Variants in RASL10B observed in about 807,000 individuals in gnomAD.
RASL10B encodes RAS like family 10 member B.
In RASL10B, 10 loss-of-function variants were observed where a neutral mutation model predicts 20.7. That is an observed-to-expected ratio of 0.48 (90% confidence interval 0.30 to 0.82). The LOEUF (loss-of-function observed/expected upper bound fraction) is 0.82. Ranked by LOEUF, RASL10B falls within the 40% of genes least tolerant of loss-of-function variation. The pLI is 0.07. For missense variants in RASL10B, 231 were observed against 295.4 expected (o/e 0.78, Z 1.60); for synonymous variants, 110 against 123.3 (o/e 0.89, Z 0.72).
At chr17:35,736,420 ACT>A (rs2085592186) in intron 2 of RASL10B, among the ~76,000 whole-genome samples, 1 of 152,022 alleles carries the variant, frequency 6.6e-6, no homozygotes, top group Non-Finnish European at 1.5e-5. Context: ...AGCACTCAGC[ACT>A]CTCGGCAACA....
intron 2 of RASL10B, 89 bp from the exon 3 acceptor site, chr17:35,740,319 GA>G: frequency 6.6e-7 from 1 of 1,507,514 alleles, no homozygotes; most frequent in Non-Finnish European, 9.0e-7. Context: ...AGTGGCAGGT[GA>G]GAGCACTGCC....
At position 35,735,487 on chromosome 17, in the gene RASL10B, T is replaced by G; in HGVS notation, c.216+87T>G. On this transcript the variant is annotated intron_variant, in intron 2 of 3. Coordinates refer to ENST00000603017, the MANE Select transcript of RASL10B (RefSeq NM_033315.4). This position sits in a 1 kb window ranked among gnomAD's most constrained non-coding sequence, Gnocchi z 6.7. ...TTCCAAACTGCTGTAGCTTGGGCCC[T>G]ATTGCCAGGGCCCCATCACTGAGTT... 167 of 1,270,896 alleles carry G rather than the reference T, an allele frequency of 1.3e-4. No homozygotes were observed. Among genetic ancestry groups the G allele is most frequent in the Non-Finnish European group, 1.6e-4 (147 of 896,620 alleles). The allele number at this position is 1,270,896 out of a possible 1,614,324, so 78.7% of individuals were successfully genotyped here.
rs587692217 is a variant in RASL10B at position 35,738,705 on chromosome 17, G to A, written c.217-1704G>A. Among the ~76,000 whole-genome samples, 10 of 152,284 alleles carry A rather than the reference G, an allele frequency of 6.6e-5. No individual in the cohort carries two copies. The South Asian group carries it at 2.1e-3, about 32-fold the overall frequency. On this transcript the variant is annotated intron_variant, in intron 2 of 3. Coordinates refer to ENST00000603017, the MANE Select transcript of RASL10B (RefSeq NM_033315.4). ...CCTTCAATCAAGGGGGAAGGGATAA[G>A]CTAGCCAATCAGGGGCCTTCCTCCT...
chr17:35,740,582 G>T, intron 3 of RASL10B, 49 bp downstream of exon 3: 2 of 1,596,388 alleles, frequency 1.3e-6, no homozygotes, highest in South Asian at 2.2e-5. Flanking sequence ...ATGCCCCAGT[G>T]CTAGCCAGTC....
chr17:35,734,975 G>A, intron 1 of RASL10B, 63 bp from the exon 2 acceptor site: 1 of 592,840 alleles, frequency 1.7e-6, no homozygotes, highest in Non-Finnish European at 3.0e-6. Context: ...TCCCAAAGGT[G>A]GAAAAGTGCA....
chr17:35,740,390 C>A lies in RASL10B; in HGVS notation c.217-19C>A. On this transcript the variant is annotated intron_variant, in intron 2 of 3. Transcript: ENST00000603017. ...CCTCATGGCTGCTCTGACCCTGGTA[C>A]TGGCTGGGGATATTGCAGGAGTGGG... is the stretch of plus-strand genomic sequence containing the variant. 6.2e-7 allele frequency: 1 copy of A among 1,611,196 alleles called. No homozygotes were observed. The highest frequency in any genetic ancestry group is 1.3e-5 in the African/African-American group (1 of 75,004).
At chr17:35,739,601 C>T (rs2085615872) in intron 2 of RASL10B, among the ~76,000 whole-genome samples, 1 of 152,222 alleles carries the variant, frequency 6.6e-6, no homozygotes, top group Non-Finnish European at 1.5e-5. Flanking sequence ...TACTCTACAT[C>T]AGCCCATTAT....
intron 1 of RASL10B, among the ~76,000 whole-genome samples, chr17:35,732,780 C>T (rs2085566182): frequency 6.6e-6 from 1 of 152,140 alleles, no homozygotes; most frequent in African/African-American, 2.4e-5. Context: ...GGCCAGGACT[C>T]TTCTTGGCGT....
rs11306545 is a variant in RASL10B, at chr17:35,742,098, CTTTTTTTTTTT to C, written c.*795_*805del. 1 of 146,744 alleles carries C rather than the reference CTTTTTTTTTTT, an allele frequency of 6.8e-6. No homozygotes were observed. The highest frequency in any genetic ancestry group is 2.5e-5 in the African/African-American group (1 of 39,922). The allele number at this position is 146,744 out of a possible 1,614,324, so 9.1% of individuals were successfully genotyped here. ...CACCCCCTGGGTTAAAACTTTTTTTCTTTTTTTTTTTTGGACAGAGTGTGGAAAGGGAGCCC... is the reference window on the plus strand; with the variant it reads ...CACCCCCTGGGTTAAAACTTTTTTTCTGGACAGAGTGTGGAAAGGGAGCCC... On this transcript the variant is annotated 3_prime_UTR_variant, in exon 4 of 4. Transcript: ENST00000603017.
rs1279772914 is a variant in RASL10B at position 35,741,278 on chromosome 17, G to C, written c.585G>C (p.Leu195=). 6.5e-7 allele frequency: 1 copy of C among 1,532,730 alleles called. No homozygotes were observed. Among genetic ancestry groups the C allele is most frequent in the Non-Finnish European group, 8.8e-7 (1 of 1,137,470 alleles). The allele number at this position is 1,532,730 out of a possible 1,614,324, so 94.9% of individuals were successfully genotyped here. A position where few individuals can be genotyped will look rare whatever the true frequency, so the allele number is the denominator to read the frequency against. ...CTGCCCTGCGCTTCCAGGGCGCGCT[G>C]CGCCGCAACCGCTGCGCCATCATGT... ...VHAALRFQGA[L]RRNRCAIM Residue 195 remains leucine, a synonymous_variant, in exon 4 of 4, where the codon CTG becomes CTC. Transcript: ENST00000603017.
intron 3 of RASL10B, 129 bp downstream of exon 3, chr17:35,740,662 TCAAA>T: frequency 8.9e-7 from 1 of 1,119,544 alleles, no homozygotes; most frequent in Non-Finnish European, 1.3e-6. Context: ...ACACATACAC[TCAAA>T]CATGCATACA....
chr17:35,740,606 C>T (rs782487618), intron 3 of RASL10B, 73 bp downstream of exon 3: 1 of 1,543,098 alleles, frequency 6.5e-7, no homozygotes, highest in Non-Finnish European at 8.9e-7. Context: ...GTGAAAAGGG[C>T]ACAGTATAGG....
chr17:35,739,420 G>T (rs1555597598), intron 2 of RASL10B, among the ~76,000 whole-genome samples: 3 of 152,090 alleles, frequency 2.0e-5, no homozygotes, highest in African/African-American at 7.2e-5. Context: ...CTGGCTGCCT[G>T]AAACCGCTCT....
In RASL10B at chr17:35,735,177, C is replaced by T. The variant is rs782220444; in HGVS notation, c.-8C>T. 6 of 1,605,284 alleles carry T rather than the reference C, an allele frequency of 3.7e-6. No homozygotes were observed. The highest frequency in any genetic ancestry group is 1.3e-5 in the African/African-American group (1 of 74,988). The stretch of plus-strand genomic sequence containing the variant: ...GCAAGGACGAGGTGGCGGAGTGGGG[C>T]GGGAGGCATGGTCTCCACCTACCGG... On this transcript the variant is annotated 5_prime_UTR_variant, in exon 2 of 4. Transcript: ENST00000603017. The surrounding 1 kb of genome is among the most constrained non-coding windows in gnomAD (Gnocchi z 6.7).
At position 35,741,300 on chromosome 17, in the gene RASL10B, A is replaced by T; in HGVS notation, c.607A>T (p.Met203Leu). 1 of 1,491,578 alleles carries T rather than the reference A, an allele frequency of 6.7e-7. No homozygotes were observed. The highest frequency in any genetic ancestry group is 9.0e-7 in the Non-Finnish European group (1 of 1,117,002). The allele number at this position is 1,491,578 out of a possible 1,614,324, so 92.4% of individuals were successfully genotyped here. A position where few individuals can be genotyped will look rare whatever the true frequency, so the allele number is the denominator to read the frequency against. The change falls in exon 4 of 4, where the codon ATG (methionine) becomes TTG (leucine). Residue 203 changes from methionine to leucine, a missense_variant. Transcript: ENST00000603017. ...GCTGCGCCGCAACCGCTGCGCCATC[A>T]TGTGACGCCTGCGCGCCCCTCGGGC... ...GALRRNRCAI[M>L] is the part of the protein sequence containing the mutation.
chr17:35,738,207 T>C (rs1555597461), intron 2 of RASL10B, among the ~76,000 whole-genome samples: 1 of 152,188 alleles, frequency 6.6e-6, no homozygotes, highest in African/African-American at 2.4e-5. Flanking sequence ...TGATGTCCTT[T>C]GCCCATTTTT....
At chr17:35,740,985 C>G (rs2085625035) in intron 3 of RASL10B, 50 bp from the exon 4 acceptor site, 2 of 1,491,440 alleles carry the variant, frequency 1.3e-6, no homozygotes, top group Middle Eastern at 1.8e-4. Flanking sequence ...GCTGGGAGTA[C>G]AGCGGTTGTG....
At position 35,742,441 on chromosome 17, in the gene RASL10B, C is replaced by T. The variant is rs1157528620; in HGVS notation, c.*1136C>T. ...GGGGGAGACACACCTGCATCTTCCT[C>T]CTGCCACAGATGGAGGCCCTCAGGA... is the stretch of plus-strand genomic sequence containing the variant. On this transcript the variant is annotated 3_prime_UTR_variant, in exon 4 of 4. Coordinates refer to ENST00000603017, the MANE Select transcript of RASL10B (RefSeq NM_033315.4). 1 of 152,808 alleles carries T rather than the reference C, an allele frequency of 6.5e-6. No individual in the cohort carries two copies. The highest frequency in any genetic ancestry group is 1.5e-5 in the Non-Finnish European group (1 of 68,216). The allele number at this position is 152,808 out of a possible 1,614,324, so 9.5% of individuals were successfully genotyped here.
intron 1 of RASL10B, among the ~76,000 whole-genome samples, chr17:35,733,452 T>C (rs964549456): frequency 2.0e-5 from 3 of 152,376 alleles, no homozygotes; most frequent in Admixed American, 1.3e-4. Context: ...GTATTTACTA[T>C]GCTGTGTGCG....
Sources: gnomAD v4.1 joint callset for allele counts (sites outside exome capture counted in the v4.1 genomes callset) on GRCh38, gnomAD v4.1.1 for gene constraint, Gnocchi (gnomAD v3.1) non-coding constraint, MANE v1.5 for transcripts, NCBI Gene and HGNC (gene_info 2026-07-23, HGNC 2026-07-21) for gene names.